Variants in EVC observed in about 807,000 individuals in gnomAD.
The protein encoded by EVC is EvC ciliary complex subunit 1.
Under a neutral mutation model 118.9 loss-of-function variants are expected in EVC, and 116 were observed. That is an observed-to-expected ratio of 0.98 (90% CI 0.84 to 1.14). The LOEUF is 1.14. Ranked by LOEUF, EVC falls within the 50% of genes most tolerant of loss-of-function variation. EVC has a pLI of 0.00. For synonymous variants in EVC, 619 were observed against 534.7 expected (o/e 1.16, Z -2.18); for missense variants, 1,401 against 1,246.4 (o/e 1.12, Z -1.87).
intron 15 of EVC, among the ~76,000 whole-genome samples, chr4:5,801,596 C>G (rs529466194): frequency 8.0e-5 from 12 of 149,108 alleles, no homozygotes; most frequent in African/African-American, 2.7e-4. Flanking sequence ...AGGAAAATCA[C>G]TTGAACCTGG....
At chr4:5,779,074 C>T (rs1735183015) in intron 11 of EVC, among the ~76,000 whole-genome samples, 1 of 152,114 alleles carries the variant, frequency 6.6e-6, no homozygotes, top group Non-Finnish European at 1.5e-5. Context: ...GCCAGTTTTC[C>T]CAGCACCATT....
intron 14 of EVC, 131 bp downstream of exon 14, chr4:5,797,363 C>G (rs527938304): frequency 2.6e-6 from 2 of 782,286 alleles, no homozygotes; most frequent in South Asian, 3.0e-5. Context: ...ATTCATTCGC[C>G]GGGGCTGCCA....
At chr4:5,752,559 G>T in intron 8 of EVC, 2 of 546,282 alleles carry the variant, frequency 3.7e-6, no homozygotes, top group Non-Finnish European at 6.6e-6. Flanking sequence ...TCCCTCCTAG[G>T]AGGGTGGCCC....
rs1436232792 is a variant in EVC at position 5,741,293 on chromosome 4, A to G, written c.703-423A>G. On this transcript the variant is annotated intron_variant, in intron 5 of 20. Coordinates refer to ENST00000264956, the MANE Select transcript of EVC (RefSeq NM_153717.3). ...CCTAGTTTAAAGGACATCTCCATCC[A>G]TTGAAACAGGAGACTGACATGGATA... 2.6e-5 allele frequency among the ~76,000 whole-genome samples: 4 copies of G among 152,236 alleles called. No homozygotes were observed. The East Asian group carries it at 5.8e-4, about 22-fold the overall frequency.
intron 2 of EVC, among the ~76,000 whole-genome samples, chr4:5,724,568 C>T (rs1725495515): frequency 6.6e-6 from 1 of 152,124 alleles, no homozygotes; most frequent in African/African-American, 2.4e-5. Context: ...TGATGATTAG[C>T]TGTGTGGCCT....
the EVC span, chr4:5,825,798 C>T: frequency 1.3e-4 from 104 of 783,512 alleles, 2 homozygotes; most frequent in South Asian, 1.8e-3. The surrounding 1 kb of genome is among the most constrained non-coding windows in gnomAD (Gnocchi z 4.4). Context: ...ACAACACGCA[C>T]ACACGACAGG....
chr4:5,728,914 A>G (rs1726305217), intron 2 of EVC, among the ~76,000 whole-genome samples: 1 of 152,156 alleles, frequency 6.6e-6, no homozygotes, highest in African/African-American at 2.4e-5. Flanking sequence ...TTATGATAGC[A>G]TTTGTCTGTT....
chr4:5,735,071 C>T (rs1727453207), intron 5 of EVC, among the ~76,000 whole-genome samples: 1 of 152,238 alleles, frequency 6.6e-6, no homozygotes, highest in African/African-American at 2.4e-5. Flanking sequence ...CACCATCCAG[C>T]ACAGGGGTGT....
chr4:5,758,618 T>C (rs1248895024), intron 11 of EVC, among the ~76,000 whole-genome samples: 1 of 152,212 alleles, frequency 6.6e-6, no homozygotes, highest in Non-Finnish European at 1.5e-5. Flanking sequence ...AACCAAGTTC[T>C]AATCTTCCTC....
rs989851417 is a variant in EVC, at chr4:5,737,733, A to T, written c.703-3983A>T. ...TTGACACCTACTGCCCAGAAAATAA[A>T]CTTCTTTTCAAAATGTTACTGGTCA... On this transcript the variant is annotated intron_variant, in intron 5 of 20. Transcript: ENST00000264956. This position sits in a 1 kb window ranked among gnomAD's most constrained non-coding sequence, Gnocchi z 5.0. 3.9e-5 allele frequency among the ~76,000 whole-genome samples: 6 copies of T among 152,178 alleles called. No homozygotes were observed. Among genetic ancestry groups the T allele is most frequent in the African/African-American group, 7.2e-5 (3 of 41,428 alleles).
intron 17 of EVC, among the ~76,000 whole-genome samples, chr4:5,806,434 C>G (rs1383632049): frequency 1.3e-5 from 2 of 152,118 alleles, no homozygotes; most frequent in East Asian, 1.9e-4. Flanking sequence ...CCACTCATAA[C>G]TGAAAATATG....
chr4:5,758,149 A>T (rs762618951), intron 11 of EVC: 1 of 701,828 alleles, frequency 1.4e-6, no homozygotes. Flanking sequence ...GACTGGAGTG[A>T]TGCAGCCACA....
chr4:5,773,611 G>A (rs1005801939), intron 11 of EVC, among the ~76,000 whole-genome samples: 1 of 152,070 alleles, frequency 6.6e-6, no homozygotes, highest in African/African-American at 2.4e-5. Context: ...ACTGGGAGGC[G>A]GTGCGCTGAG....
downstream of EVC, among the ~76,000 whole-genome samples, chr4:5,814,498 A>G (rs1187054954): frequency 1.3e-5 from 2 of 152,054 alleles, no homozygotes; most frequent in Non-Finnish European, 2.9e-5. Context: ...TGCCCCTGCC[A>G]TCCGCCCATC....
intron 13 of EVC, among the ~76,000 whole-genome samples, chr4:5,794,735 A>G (rs1233446812): frequency 6.6e-6 from 1 of 151,982 alleles, no homozygotes; most frequent in African/African-American, 2.4e-5. Flanking sequence ...TGATATAGCT[A>G]TTTTTTAGTT....
At chr4:5,713,497 G>A (rs1363079761) in intron 1 of EVC, among the ~76,000 whole-genome samples, 2 of 152,050 alleles carry the variant, frequency 1.3e-5, no homozygotes, top group African/African-American at 2.4e-5. Flanking sequence ...GGCCAATATG[G>A]TGAAACCCTG....
At chr4:5,819,749 G>A in the EVC span, among the ~76,000 whole-genome samples, 44 of 152,214 alleles carry the variant, frequency 2.9e-4, no homozygotes, top group Non-Finnish European at 4.9e-4. Context: ...GGCCAAAGCC[G>A]AACATCAAAA....
intron 13 of EVC, among the ~76,000 whole-genome samples, chr4:5,794,862 G>A (rs1335493911): frequency 2.0e-5 from 3 of 152,150 alleles, no homozygotes; most frequent in African/African-American, 7.2e-5. Flanking sequence ...AGTGGACGCA[G>A]CACCCCATAG....
chr4:5,780,203 A>G (rs973086066), intron 11 of EVC, among the ~76,000 whole-genome samples: 2 of 152,242 alleles, frequency 1.3e-5, no homozygotes, highest in Non-Finnish European at 2.9e-5. Flanking sequence ...AACCGAATCC[A>G]GCAGCACATC....
Sources: gnomAD v4.1 joint callset for allele counts (sites outside exome capture counted in the v4.1 genomes callset) on GRCh38, gnomAD v4.1.1 for gene constraint, Gnocchi (gnomAD v3.1) non-coding constraint, MANE v1.5 for transcripts, NCBI Gene and HGNC (gene_info 2026-07-23, HGNC 2026-07-21) for gene names.